Variants in DENND5B observed in about 807,000 individuals in gnomAD.
DENND5B encodes DENN domain containing 5B.
DENND5B carries 34 observed loss-of-function variants against 140.6 expected under a neutral mutation model. That is an observed-to-expected ratio of 0.24 (90% CI 0.18 to 0.32). DENND5B has a LOEUF of 0.32. Ranked by LOEUF, DENND5B falls within the 10% of genes least tolerant of loss-of-function variation. The pLI is 1.00. For missense variants in DENND5B, 1,142 were observed against 1,560.2 expected (o/e 0.73, Z 4.52); for synonymous variants, 551 against 562.1 (o/e 0.98, Z 0.28).
chr12:31,552,824 G>A (rs1157436327), intron 1 of DENND5B, among the ~76,000 whole-genome samples: 10 of 152,056 alleles, frequency 6.6e-5, no homozygotes, highest in Non-Finnish European at 8.8e-5. Context: ...GAATTTATCC[G>A]TTTCTTCTAG....
chr12:31,581,459 C>A (rs543111425), intron 1 of DENND5B, among the ~76,000 whole-genome samples: 3 of 151,966 alleles, frequency 2.0e-5, no homozygotes, highest in Admixed American at 6.6e-5. Context: ...GAGGCCGAGG[C>A]GGGCAGATCA....
intron 1 of DENND5B, among the ~76,000 whole-genome samples, chr12:31,508,304 A>G (rs1037832083): frequency 1.3e-5 from 2 of 152,354 alleles, no homozygotes; most frequent in East Asian, 3.9e-4. Flanking sequence ...AAAAATTTTT[A>G]TAAGAAGTCA....
intron 8 of DENND5B, 22 bp downstream of exon 8, chr12:31,433,133 C>T (rs749564057): frequency 3.7e-6 from 6 of 1,609,520 alleles, no homozygotes; most frequent in Non-Finnish European, 5.1e-6. Context: ...TGTGAGGCAC[C>T]CCAGGAAGGT....
intron 1 of DENND5B, among the ~76,000 whole-genome samples, chr12:31,535,806 G>C (rs1565673364): frequency 6.6e-6 from 1 of 152,200 alleles, no homozygotes; most frequent in South Asian, 2.1e-4. Flanking sequence ...AACTAAACAA[G>C]GTAGCAAGGA....
chr12:31,424,080 T>TA (rs1943135952), intron 10 of DENND5B, among the ~76,000 whole-genome samples: 1 of 151,478 alleles, frequency 6.6e-6, no homozygotes, highest in Non-Finnish European at 1.5e-5. Context: ...GGAGTGGCGA[T>TA]AAGAGAAAAA....
chr12:31,583,688 A>AAAACAG (rs1950290040), intron 1 of DENND5B, among the ~76,000 whole-genome samples: 1 of 150,738 alleles, frequency 6.6e-6, no homozygotes, highest in Non-Finnish European at 1.5e-5. Context: ...GGAAAAAACA[A>AAAACAG]AAACAAAAAC....
intron 1 of DENND5B, chr12:31,590,159 G>A (rs1354679155): frequency 2.0e-5 from 3 of 152,214 alleles, no homozygotes; most frequent in African/African-American, 7.2e-5. Flanking sequence ...GCGGCGCAGA[G>A]GGCAGAGTCC....
chr12:31,512,607 T>A (rs1947473559), intron 1 of DENND5B, among the ~76,000 whole-genome samples: 1 of 152,094 alleles, frequency 6.6e-6, no homozygotes, highest in Admixed American at 6.6e-5. Flanking sequence ...CTACCTTATT[T>A]CAAACATAGG....
chr12:31,399,802 T>C (rs911491091), intron 15 of DENND5B, 30 bp from the exon 16 acceptor site: 1 of 1,550,414 alleles, frequency 6.4e-7, no homozygotes, highest in African/African-American at 1.4e-5. Context: ...GGTTATTTAG[T>C]ACCCAATCCC....
intron 13 of DENND5B, among the ~76,000 whole-genome samples, chr12:31,410,605 A>G (rs911415215): frequency 1.3e-5 from 2 of 151,928 alleles, no homozygotes; most frequent in Non-Finnish European, 2.9e-5. Flanking sequence ...GGGTCTCACT[A>G]TATTGCCCAG....
chr12:31,478,983 T>G (rs1945948561), intron 3 of DENND5B, among the ~76,000 whole-genome samples: 1 of 150,842 alleles, frequency 6.6e-6, no homozygotes, highest in African/African-American at 2.5e-5. Context: ...CTTCTGAGAT[T>G]AAAAAACATA....
intron 7 of DENND5B, among the ~76,000 whole-genome samples, chr12:31,436,359 C>T (rs1362463464): frequency 6.6e-6 from 1 of 151,972 alleles, no homozygotes; most frequent in Non-Finnish European, 1.5e-5. Context: ...CCTCGGCCTC[C>T]CAAAGTGCTG....
At position 31,451,841 on chromosome 12, in the gene DENND5B, T is replaced by C. The variant is rs187579459; in HGVS notation, c.1629+99A>G. 6.0e-4 allele frequency: 815 copies of C among 1,367,794 alleles called. 12 individuals carry two copies. The East Asian group carries it at 0.018, about 30-fold the overall frequency. The allele number at this position is 1,367,794 out of a possible 1,614,324, so 84.7% of individuals were successfully genotyped here. The stretch of plus-strand genomic sequence containing the variant: ...AAAGGTTAACAAAATCAATAATATA[T>C]GGGTAAGCATAGGCACAGAAGAATA... On this transcript the variant is annotated intron_variant, in intron 5 of 20. Coordinates refer to ENST00000389082, the MANE Select transcript of DENND5B (RefSeq NM_144973.4).
intron 11 of DENND5B, among the ~76,000 whole-genome samples, chr12:31,418,839 T>A (rs1047029995): frequency 6.6e-6 from 1 of 152,080 alleles, no homozygotes; most frequent in African/African-American, 2.4e-5. Flanking sequence ...GGGGTCTCAC[T>A]ATGTTGCCCA....
At position 31,387,713 on chromosome 12, in the gene DENND5B, C is replaced by A. The variant is rs747314854; in HGVS notation, c.3715G>T (p.Ala1239Ser). ...PAITRMYEES[A>S]LLRDRMTVNS... is the part of the protein sequence containing the mutation. Reference sequence around the variant, plus strand: ...ACAGTCATGCGGTCTCGCAGGAGAGCGCTCTCTTCATACATTCGAGTGATG... The same window carrying A: ...ACAGTCATGCGGTCTCGCAGGAGAGAGCTCTCTTCATACATTCGAGTGATG... The change falls in exon 21 of 21, where the codon GCT becomes TCT. Residue 1239 changes from alanine to serine, a missense_variant. Coordinates refer to ENST00000389082, the MANE Select transcript of DENND5B (RefSeq NM_144973.4). 1.9e-5 allele frequency: 30 copies of A among 1,613,912 alleles called. No homozygotes were observed. The highest frequency in any genetic ancestry group is 6.7e-5 in the East Asian group (3 of 44,902).
intron 2 of DENND5B, among the ~76,000 whole-genome samples, 183 bp downstream of exon 2, chr12:31,495,627 C>T (rs556678179): frequency 2.6e-5 from 4 of 152,178 alleles, no homozygotes; most frequent in South Asian, 2.1e-4. Context: ...CCACCTGCCT[C>T]GGCCTCCCAA....
rs545603439 is a variant in DENND5B at position 31,446,216 on chromosome 12, T to C, written c.1861+1322A>G. On this transcript the variant is annotated intron_variant, in intron 6 of 20. Coordinates refer to ENST00000389082, the MANE Select transcript of DENND5B (RefSeq NM_144973.4). ...CAGGCGGGAGTGCAGTGGTGCCACA[T>C]TGGCTCACTGCAACCTCCGCCTCCC... Among the ~76,000 whole-genome samples the C allele has an allele frequency of 3.9e-5, 6 of 152,148 alleles. No homozygotes were observed. The South Asian group carries it at 8.3e-4, about 21-fold the overall frequency.
chr12:31,483,002 C>G (rs1046308263), intron 2 of DENND5B, among the ~76,000 whole-genome samples: 4 of 152,232 alleles, frequency 2.6e-5, no homozygotes, highest in African/African-American at 9.6e-5. Context: ...CTCACCCACT[C>G]TGCTCCAGCA....
At chr12:31,439,801 T>C (rs1449743535) in intron 7 of DENND5B, among the ~76,000 whole-genome samples, 1 of 150,648 alleles carries the variant, frequency 6.6e-6, no homozygotes, top group Admixed American at 6.6e-5. Context: ...TAGTGGCGCA[T>C]GCCTGTAATC....
Sources: gnomAD v4.1 joint callset for allele counts (sites outside exome capture counted in the v4.1 genomes callset) on GRCh38, gnomAD v4.1.1 for gene constraint, MANE v1.5 for transcripts, NCBI Gene and HGNC (gene_info 2026-07-23, HGNC 2026-07-21) for gene names.